The following MACROD2 variants were observed in gnomAD, a reference collection of about 807,000 sequenced individuals.
MACROD2 encodes the protein ADP-ribose glycohydrolase MACROD2.
In MACROD2, 36 loss-of-function variants were observed where a neutral mutation model predicts 70.4. The ratio of observed to expected loss-of-function variants is 0.51; its 90% CI spans 0.39 to 0.68. MACROD2 has a LOEUF of 0.68. MACROD2 is among the 30% of genes least tolerant of loss of function. The pLI, the probability that MACROD2 is intolerant of heterozygous loss-of-function variation, is 0.00. For synonymous variants in MACROD2, 172 were observed against 178.8 expected, an observed-to-expected ratio of 0.96 and a Z score of 0.30; for missense variants, 496 against 538.4, an observed-to-expected ratio of 0.92 and a Z score of 0.78.
At chr20:14,064,980 C>G (rs991272396) in intron 2 of MACROD2, among the ~76,000 whole-genome samples, 1 of 152,184 alleles carries the variant, frequency 6.6e-6, no homozygotes, top group African/African-American at 2.4e-5. Context: ...TGGTATTTTA[C>G]TGTTTAAGTT....
intron 3 of MACROD2, among the ~76,000 whole-genome samples, chr20:14,162,879 G>A (rs1445789030): frequency 6.6e-6 from 1 of 151,982 alleles, no homozygotes; most frequent in Non-Finnish European, 1.5e-5. Context: ...ATTCAAGGTT[G>A]CTATTGATAT....
At chr20:15,056,633 T>A (rs2075487889) in intron 5 of MACROD2, among the ~76,000 whole-genome samples, 1 of 149,312 alleles carries the variant, frequency 6.7e-6, no homozygotes, top group Admixed American at 6.7e-5. Flanking sequence ...TTTAGCTGTT[T>A]AAAAAAAAAA....
In MACROD2 at chr20:14,953,526, C is replaced by T. The variant is rs925559509; in HGVS notation, c.418+268567C>T. On this transcript the variant is annotated intron_variant, in intron 5 of 17. Coordinates refer to ENST00000684519, the MANE Select transcript of MACROD2 (RefSeq NM_001351661.2). The stretch of plus-strand genomic sequence containing the variant: ...TTTCACGTGTTAGCCAGGATGGTCT[C>T]GATCTCCTGACCTCATGGTCCGCCC... Among the ~76,000 whole-genome samples the T allele has an allele frequency of 9.2e-5, 14 of 152,076 alleles. 1 individual carries two copies. Among genetic ancestry groups the T allele is most frequent in the African/African-American group, 7.2e-5 (3 of 41,414 alleles).
intron 8 of MACROD2, among the ~76,000 whole-genome samples, chr20:15,561,711 GTTAT>G (rs2048246867): frequency 6.6e-6 from 1 of 152,138 alleles, no homozygotes; most frequent in Middle Eastern, 3.2e-3. Flanking sequence ...TTTATGCTAA[GTTAT>G]TTATCAGTAA....
chr20:15,060,000 G>T (rs546144757), intron 5 of MACROD2, among the ~76,000 whole-genome samples: 1 of 152,040 alleles, frequency 6.6e-6, no homozygotes, highest in African/African-American at 2.4e-5. Context: ...AAATATGACC[G>T]CTGCCATCTC....
chr20:15,538,096 C>T (rs1338687572), intron 8 of MACROD2, among the ~76,000 whole-genome samples: 4 of 152,100 alleles, frequency 2.6e-5, no homozygotes, highest in Middle Eastern at 3.4e-3. Flanking sequence ...GGGAGTGGAA[C>T]GATTAATAAT....
At chr20:14,019,496 A>G (rs992448288) in intron 2 of MACROD2, among the ~76,000 whole-genome samples, 2 of 152,044 alleles carry the variant, frequency 1.3e-5, no homozygotes, top group African/African-American at 4.8e-5. Context: ...GATGGTCTTG[A>G]TCTCCTGACT....
At chr20:15,934,179 T>G (rs2065622605) in intron 11 of MACROD2, among the ~76,000 whole-genome samples, 1 of 152,234 alleles carries the variant, frequency 6.6e-6, no homozygotes, top group Non-Finnish European at 1.5e-5. Flanking sequence ...GGAGGGGCAC[T>G]TCTGAAGTAG....
intron 15 of MACROD2, among the ~76,000 whole-genome samples, chr20:16,039,160 A>C (rs74938344): frequency 0.027 from 4,172 of 151,862 alleles, 70 homozygotes; most frequent in Non-Finnish European, 0.033. Flanking sequence ...CATTCATAGC[A>C]CTCTGGGGCC....
At chr20:15,086,495 A>G (rs1197020062) in intron 5 of MACROD2, among the ~76,000 whole-genome samples, 1 of 152,160 alleles carries the variant, frequency 6.6e-6, no homozygotes, top group Non-Finnish European at 1.5e-5. Context: ...TGAAAACCAC[A>G]GTTCTAGATG....
At chr20:15,522,251 A>AGGTAGC (rs953969784) in intron 8 of MACROD2, among the ~76,000 whole-genome samples, 1 of 152,184 alleles carries the variant, frequency 6.6e-6, no homozygotes, top group Non-Finnish European at 1.5e-5. Flanking sequence ...GCTGTAAAAG[A>AGGTAGC]GGTAGCCCTA....
At chr20:15,169,809 C>T (rs575493913) in intron 5 of MACROD2, among the ~76,000 whole-genome samples, 1 of 152,168 alleles carries the variant, frequency 6.6e-6, no homozygotes, top group African/African-American at 2.4e-5. Flanking sequence ...GCATTTCCCT[C>T]AGAGACAATT....
chr20:14,633,099 C>T (rs1984601975), intron 4 of MACROD2, among the ~76,000 whole-genome samples: 3 of 152,228 alleles, frequency 2.0e-5, no homozygotes, highest in Non-Finnish European at 2.9e-5. Flanking sequence ...CTTTCCTCTT[C>T]CTGCCAGTAG....
At chr20:15,802,617 A>G (rs1220503581) in intron 8 of MACROD2, among the ~76,000 whole-genome samples, 1 of 152,184 alleles carries the variant, frequency 6.6e-6, no homozygotes, top group Non-Finnish European at 1.5e-5. Context: ...GATATTAAAA[A>G]AGCAAGAACA....
At position 15,777,804 on chromosome 20, in the gene MACROD2, A is replaced by G. The variant is rs139816442; in HGVS notation, c.646-84941A>G. Among the ~76,000 whole-genome samples the G allele has an allele frequency of 1.1e-3, 162 of 151,862 alleles. 2 individuals carry two copies. In the East Asian group the frequency reaches 0.029, roughly 28 times the overall value. On this transcript the variant is annotated intron_variant, in intron 8 of 17. Coordinates refer to ENST00000684519, the MANE Select transcript of MACROD2 (RefSeq NM_001351661.2). ...GGATTACAGGCATGAGCCATCACAC[A>G]TGGCTAATTTTTGTATTTTTAGTAG...
intron 3 of MACROD2, among the ~76,000 whole-genome samples, chr20:14,129,782 A>G (rs967448360): frequency 6.6e-6 from 1 of 152,250 alleles, no homozygotes; most frequent in African/African-American, 2.4e-5. Flanking sequence ...CAGCAAAAAA[A>G]TTATGACTTG....
intron 4 of MACROD2, among the ~76,000 whole-genome samples, chr20:14,609,214 GTAACATTAGAAACAGAGAGCGTCA>G (rs145424432): frequency 0.18 from 27,734 of 152,022 alleles, 3,304 homozygotes; most frequent in Non-Finnish European, 0.26. Context: ...GGTTTGAGTT[GTAACATTAGAAACAGAGAGCGTCA>G]TAACATTAGA....
intron 4 of MACROD2, among the ~76,000 whole-genome samples, chr20:14,524,625 C>G (rs2085208745): frequency 6.6e-6 from 1 of 152,124 alleles, no homozygotes; most frequent in South Asian, 2.1e-4. Flanking sequence ...TACATCACAC[C>G]TGGGATGCTC....
At chr20:14,502,107 G>C (rs1205248306) in intron 4 of MACROD2, among the ~76,000 whole-genome samples, 3 of 152,172 alleles carry the variant, frequency 2.0e-5, no homozygotes, top group African/African-American at 7.2e-5. Context: ...TAGGAAACAA[G>C]TTTCAAGCAA....
Sources: gnomAD v4.1 joint callset for allele counts (sites outside exome capture counted in the v4.1 genomes callset) on GRCh38, gnomAD v4.1.1 for gene constraint, MANE v1.5 for transcripts, NCBI Gene and HGNC (gene_info 2026-07-23, HGNC 2026-07-21) for gene names.